Variants in FHIT observed in about 807,000 individuals in gnomAD.
FHIT encodes bis(5'-adenosyl)-triphosphatase.
In FHIT, 19 loss-of-function variants were observed where a neutral mutation model predicts 17.9. That is an observed-to-expected ratio of 1.06 (90% CI 0.74 to 1.56). The LOEUF is 1.56. Among genes scored for constraint, FHIT ranks in the 40% most tolerant of loss-of-function variants. FHIT has a pLI of 0.00. For missense variants in FHIT, 248 were observed against 189.2 expected (o/e 1.31, Z -1.82); for synonymous variants, 81 against 69.7 (o/e 1.16, Z -0.81).
intron 8 of FHIT, among the ~76,000 whole-genome samples, chr3:59,785,273 A>G (rs1008955522): frequency 6.6e-6 from 1 of 151,314 alleles, no homozygotes. Context: ...AAATGTTTCC[A>G]GTATAACATT....
intron 5 of FHIT, among the ~76,000 whole-genome samples, chr3:60,155,598 G>A (rs970557040): frequency 6.6e-6 from 1 of 152,150 alleles, no homozygotes; most frequent in African/African-American, 2.4e-5. Flanking sequence ...CAGAGAGAGG[G>A]TCAGAAGCAA....
intron 2 of FHIT, among the ~76,000 whole-genome samples, chr3:61,082,586 G>T (rs919399939): frequency 7.9e-5 from 12 of 151,930 alleles, no homozygotes; most frequent in African/African-American, 2.9e-4. Context: ...AAGGTCACAG[G>T]GCCTACAATT....
chr3:61,227,663 T>C (rs957544148), intron 1 of FHIT, among the ~76,000 whole-genome samples: 8 of 152,226 alleles, frequency 5.3e-5, no homozygotes, highest in Non-Finnish European at 8.8e-5. Flanking sequence ...TATTTGGTCA[T>C]GAAAATTCTG....
At chr3:60,128,033 G>T (rs1705638294) in intron 5 of FHIT, among the ~76,000 whole-genome samples, 2 of 152,166 alleles carry the variant, frequency 1.3e-5, no homozygotes, top group African/African-American at 4.8e-5. Flanking sequence ...GCATGTATAT[G>T]CATGGATATG....
chr3:60,415,652 T>C (rs1261401106), intron 5 of FHIT, among the ~76,000 whole-genome samples: 1 of 151,388 alleles, frequency 6.6e-6, no homozygotes, highest in Non-Finnish European at 1.5e-5. Flanking sequence ...GATATTACAC[T>C]GGACATATCT....
chr3:60,211,773 G>A (rs1350618500), intron 5 of FHIT, among the ~76,000 whole-genome samples: 8 of 152,060 alleles, frequency 5.3e-5, no homozygotes, highest in Admixed American at 4.6e-4. Flanking sequence ...GAGATCAATG[G>A]GGTAAGGCAT....
intron 5 of FHIT, among the ~76,000 whole-genome samples, chr3:60,147,112 C>G (rs976565980): frequency 1.2e-4 from 19 of 152,120 alleles, no homozygotes; most frequent in African/African-American, 4.3e-4. Context: ...CCAGAGAAAG[C>G]TGTTTAGAAA....
At chr3:60,023,319 ATAATT>A (rs1353061413) in intron 5 of FHIT, among the ~76,000 whole-genome samples, 5 of 152,230 alleles carry the variant, frequency 3.3e-5, no homozygotes, top group Non-Finnish European at 2.9e-5. Context: ...TGCAACATAA[ATAATT>A]TAATAGCACC....
intron 5 of FHIT, among the ~76,000 whole-genome samples, chr3:60,382,538 T>C (rs1048432365): frequency 2.0e-5 from 3 of 152,190 alleles, no homozygotes; most frequent in East Asian, 3.9e-4. Flanking sequence ...GTAACACCGA[T>C]AATTTTTTTA....
chr3:60,981,295 C>CTTT (rs71100934), intron 3 of FHIT, among the ~76,000 whole-genome samples: 17 of 124,498 alleles, frequency 1.4e-4, no homozygotes, highest in Admixed American at 1.7e-4. Context: ...TTCTTCCTTC[C>CTTT]TTTTTTTTTT....
intron 4 of FHIT, among the ~76,000 whole-genome samples, chr3:60,752,840 G>C (rs1223914481): frequency 2.0e-5 from 3 of 152,080 alleles, no homozygotes; most frequent in Non-Finnish European, 4.4e-5. Flanking sequence ...CTGAAAAACA[G>C]ACATTTAATG....
intron 5 of FHIT, among the ~76,000 whole-genome samples, chr3:60,217,882 C>T (rs1703771719): frequency 1.3e-5 from 2 of 152,166 alleles, no homozygotes; most frequent in South Asian, 4.1e-4. Flanking sequence ...TTTTATATCT[C>T]TCATGGGATC....
intron 5 of FHIT, among the ~76,000 whole-genome samples, chr3:60,169,208 C>T (rs1404870832): frequency 6.6e-6 from 1 of 152,124 alleles, no homozygotes; most frequent in Non-Finnish European, 1.5e-5. Context: ...CCCGTTCCTG[C>T]CACTTCACAG....
At chr3:61,023,679 C>T (rs796371119) in intron 3 of FHIT, among the ~76,000 whole-genome samples, 3 of 152,202 alleles carry the variant, frequency 2.0e-5, no homozygotes, top group African/African-American at 7.2e-5. Flanking sequence ...GAACAGAGGC[C>T]TGAGAAATAA....
chr3:60,013,942 G>A, intron 6 of FHIT, 65 bp downstream of exon 6: 4 of 1,515,988 alleles, frequency 2.6e-6, no homozygotes, highest in Admixed American at 1.7e-5. Flanking sequence ...ATATCAGGAG[G>A]AGCAAGCCCA....
intron 8 of FHIT, among the ~76,000 whole-genome samples, chr3:59,872,339 A>T (rs1702961428): frequency 6.6e-6 from 1 of 152,174 alleles, no homozygotes; most frequent in East Asian, 1.9e-4. Context: ...TACTGAGTTC[A>T]TGAGGAGGGC....
At chr3:60,012,492 C>T (rs548078491) in intron 6 of FHIT, among the ~76,000 whole-genome samples, 1 of 152,082 alleles carries the variant, frequency 6.6e-6, no homozygotes, top group South Asian at 2.1e-4. Context: ...TGATCTCAAA[C>T]TCCTGAGCTC....
At chr3:60,833,228 G>A (rs532292352) in intron 3 of FHIT, among the ~76,000 whole-genome samples, 11 of 152,236 alleles carry the variant, frequency 7.2e-5, no homozygotes, top group African/African-American at 2.2e-4. Flanking sequence ...CTCCAATCAC[G>A]AGCCCTGTAG....
chr3:60,817,297 T>C (rs1217899711), intron 4 of FHIT, among the ~76,000 whole-genome samples: 1 of 152,102 alleles, frequency 6.6e-6, no homozygotes, highest in African/African-American at 2.4e-5. Flanking sequence ...TAGTCTTTTA[T>C]ATTTACAATT....
Sources: allele counts gnomAD v4.1 joint callset (sites outside exome capture counted in the v4.1 genomes callset), GRCh38; gene constraint gnomAD v4.1.1; transcripts MANE v1.5; gene names NCBI Gene and HGNC (gene_info 2026-07-23, HGNC 2026-07-21).